Variants in CNTNAP2 observed in about 807,000 individuals in gnomAD.
The protein encoded by CNTNAP2 is contactin associated protein 2.
A neutral mutation model predicts 155.2 loss-of-function variants in CNTNAP2; 98 were observed. The observed-to-expected ratio is 0.63, with a 90% confidence interval of 0.54 to 0.75. The LOEUF (loss-of-function observed/expected upper bound fraction) is 0.75. Among genes scored for constraint, CNTNAP2 ranks in the 30% least tolerant of loss-of-function variants. The probability of loss-of-function intolerance (pLI) is 0.00; values close to 1 mark genes in which losing one functional copy is unlikely to be tolerated. For missense variants in CNTNAP2, 1,727 were observed against 1,688.1 expected (o/e 1.02, Z -0.40); for synonymous variants, 651 against 631.2 (o/e 1.03, Z -0.47).
chr7:148,141,766 A>G (rs1042027722), intron 16 of CNTNAP2, among the ~76,000 whole-genome samples: 2 of 152,234 alleles, frequency 1.3e-5, no homozygotes, highest in African/African-American at 4.8e-5. Context: ...TATTTAACAT[A>G]GAATGTTTAG....
At chr7:148,045,803 A>G (rs1418392783) in intron 15 of CNTNAP2, among the ~76,000 whole-genome samples, 1 of 152,238 alleles carries the variant, frequency 6.6e-6, no homozygotes, top group African/African-American at 2.4e-5. Flanking sequence ...GCCATATCAA[A>G]CAACCCAACA....
intron 2 of CNTNAP2, among the ~76,000 whole-genome samples, chr7:146,825,107 ATGT>A: frequency 6.6e-6 from 1 of 152,108 alleles, no homozygotes; most frequent in East Asian, 1.9e-4. Context: ...AATGTTGTTA[ATGT>A]TGTTTCTCAT....
At position 146,646,110 on chromosome 7, in the gene CNTNAP2, G is replaced by T. The variant is rs115670750; in HGVS notation, c.98-128161G>T. Among the ~76,000 whole-genome samples, 1,005 of 152,220 alleles carry T rather than the reference G, an allele frequency of 6.6e-3. 12 individuals are homozygous for T. The highest frequency in any genetic ancestry group is 0.023 in the African/African-American group (967 of 41,540). On this transcript the variant is annotated intron_variant, in intron 1 of 23. Transcript: ENST00000361727. ...TGTATTCACACTTTACAAGTGCTTT[G>T]CCATGGTTAAGTAAGTCTCACCCAT...
At chr7:147,733,870 C>G (rs1796790240) in intron 13 of CNTNAP2, among the ~76,000 whole-genome samples, 1 of 152,092 alleles carries the variant, frequency 6.6e-6, no homozygotes, top group Non-Finnish European at 1.5e-5. Context: ...GATTTTGTAT[C>G]CTGAGACTTT....
At chr7:147,992,667 G>A (rs1801731592) in intron 15 of CNTNAP2, among the ~76,000 whole-genome samples, 1 of 152,166 alleles carries the variant, frequency 6.6e-6, no homozygotes, top group Admixed American at 6.5e-5. Flanking sequence ...AATATTAGTT[G>A]CTAGACCAAC....
chr7:146,459,740 G>A (rs984198359), intron 1 of CNTNAP2, among the ~76,000 whole-genome samples: 174 of 152,162 alleles, frequency 1.1e-3, no homozygotes, highest in African/African-American at 3.9e-3. Context: ...GGAGGCGGAG[G>A]CAGATGAATT....
At chr7:147,560,071 G>A (rs1584813488) in intron 11 of CNTNAP2, among the ~76,000 whole-genome samples, 1 of 150,080 alleles carries the variant, frequency 6.7e-6, no homozygotes, top group Non-Finnish European at 1.5e-5. Context: ...GGGAGGCTGA[G>A]GCAGGAGAAT....
chr7:146,518,644 AT>A (rs1797574727), intron 1 of CNTNAP2, among the ~76,000 whole-genome samples: 1 of 151,848 alleles, frequency 6.6e-6, no homozygotes, highest in Non-Finnish European at 1.5e-5. Flanking sequence ...AAATTCAAAC[AT>A]TTTGATCATG....
At chr7:148,344,192 T>C (rs1044807811) in intron 21 of CNTNAP2, among the ~76,000 whole-genome samples, 6 of 152,232 alleles carry the variant, frequency 3.9e-5, no homozygotes, top group African/African-American at 1.4e-4. Flanking sequence ...TTTAGGTGTT[T>C]ATTCAGTGTC....
At chr7:146,570,437 T>A (rs185569550) in intron 1 of CNTNAP2, among the ~76,000 whole-genome samples, 2 of 152,314 alleles carry the variant, frequency 1.3e-5, no homozygotes, top group Admixed American at 1.3e-4. Context: ...GCATCTGTGC[T>A]CATTAAATAT....
At chr7:147,231,844 G>A (rs1036639113) in intron 8 of CNTNAP2, among the ~76,000 whole-genome samples, 1 of 152,060 alleles carries the variant, frequency 6.6e-6, no homozygotes, top group South Asian at 2.1e-4. Flanking sequence ...TCAGATATAA[G>A]GTTTGCAAAT....
At chr7:147,901,188 T>C (rs1184627921) in intron 13 of CNTNAP2, among the ~76,000 whole-genome samples, 1 of 152,186 alleles carries the variant, frequency 6.6e-6, no homozygotes, top group Admixed American at 6.5e-5. Context: ...CTACTACTAT[T>C]TTATTACTTC....
chr7:148,272,877 G>T (rs28715099), intron 21 of CNTNAP2, among the ~76,000 whole-genome samples: 1 of 152,242 alleles, frequency 6.6e-6, no homozygotes, highest in South Asian at 2.1e-4. Flanking sequence ...AATGTCAGAA[G>T]ACCTGGGAAT....
intron 11 of CNTNAP2, among the ~76,000 whole-genome samples, chr7:147,525,498 A>G (rs1799302712): frequency 6.6e-6 from 1 of 152,244 alleles, no homozygotes; most frequent in Non-Finnish European, 1.5e-5. Context: ...GAAGTGAGAT[A>G]CCAGATACTT....
intron 1 of CNTNAP2, among the ~76,000 whole-genome samples, chr7:146,431,476 TTTAG>T (rs1383131758): frequency 6.6e-6 from 1 of 152,084 alleles, no homozygotes; most frequent in Non-Finnish European, 1.5e-5. Flanking sequence ...ATAAAATTGC[TTTAG>T]TTATTCTTCA....
intron 8 of CNTNAP2, among the ~76,000 whole-genome samples, chr7:147,192,250 A>G (rs543322909): frequency 6.6e-6 from 1 of 152,290 alleles, no homozygotes; most frequent in African/African-American, 2.4e-5. Flanking sequence ...ACCTTCTGAT[A>G]AAATCCCAGT....
chr7:146,949,320 A>G (rs1204192224), intron 3 of CNTNAP2, among the ~76,000 whole-genome samples: 1 of 152,214 alleles, frequency 6.6e-6, no homozygotes, highest in Non-Finnish European at 1.5e-5. Context: ...CAGACCTCAG[A>G]TCGCACTCTT....
intron 8 of CNTNAP2, among the ~76,000 whole-genome samples, chr7:147,224,857 G>A (rs535092608): frequency 7.9e-5 from 12 of 152,140 alleles, no homozygotes; most frequent in African/African-American, 2.7e-4. Flanking sequence ...AATTATTCCT[G>A]TACTTTATTT....
At chr7:147,107,255 A>T (rs913162887) in intron 4 of CNTNAP2, among the ~76,000 whole-genome samples, 2 of 152,214 alleles carry the variant, frequency 1.3e-5, no homozygotes, top group Non-Finnish European at 2.9e-5. Flanking sequence ...ATAGTGCCTA[A>T]TAAATAATAT....
Sources: gnomAD v4.1 joint callset for allele counts (sites outside exome capture counted in the v4.1 genomes callset) on GRCh38, gnomAD v4.1.1 for gene constraint, MANE v1.5 for transcripts, NCBI Gene and HGNC (gene_info 2026-07-23, HGNC 2026-07-21) for gene names.